MAML3: variants seen among roughly 807,000 people sequenced by gnomAD.
MAML3 encodes mastermind like transcriptional coactivator 3.
MAML3 carries 27 observed loss-of-function variants against 101.9 expected under a neutral mutation model. The observed-to-expected ratio is 0.27, with a 90% CI of 0.20 to 0.37. The LOEUF is 0.37. Ranked by LOEUF, MAML3 falls within the 10% of genes least tolerant of loss-of-function variation. The pLI, the probability that MAML3 is intolerant of heterozygous loss-of-function variation, is 1.00. For synonymous variants in MAML3, 501 were observed against 555.9 expected (o/e 0.90, Z 1.39); for missense variants, 1,316 against 1,444.9 (o/e 0.91, Z 1.45).
chr4:140,129,662 G>A (rs1213842433), intron 1 of MAML3, among the ~76,000 whole-genome samples: 1 of 152,136 alleles, frequency 6.6e-6, no homozygotes, highest in African/African-American at 2.4e-5. Context: ...AGTCTAACTG[G>A]TGATTAAGAA....
rs900117161 is a variant in MAML3 at position 140,118,646 on chromosome 4, A to G, written c.468+34214T>C. ...GACTGCTTGAGCCTAGGAGTTCAAG[A>G]CCAGCCTGGGCAACATGGTGAGATC... is the stretch of plus-strand genomic sequence containing the variant. On this transcript the variant is annotated intron_variant, in intron 1 of 4. Coordinates refer to ENST00000509479, the MANE Select transcript of MAML3 (RefSeq NM_018717.5). 3.3e-5 allele frequency among the ~76,000 whole-genome samples: 5 copies of G among 152,150 alleles called. No homozygotes were observed. In the East Asian group the frequency reaches 9.6e-4, roughly 29 times the overall value.
chr4:140,063,083 T>C lies in MAML3; in HGVS notation c.468+89777A>G, dbSNP rs79432639. Reference sequence around the variant, plus strand: ...CATGATGCAAGTATTATTAGCCCCATTCTAGATGAGAAAACAGAGGCAATT... The same window carrying C: ...CATGATGCAAGTATTATTAGCCCCACTCTAGATGAGAAAACAGAGGCAATT... On this transcript the variant is annotated intron_variant, in intron 1 of 4. Transcript: ENST00000509479. Among the ~76,000 whole-genome samples the C allele has an allele frequency of 9.7e-3, 1,483 of 152,324 alleles. 38 individuals carry two copies. Among genetic ancestry groups the C allele is most frequent in the African/African-American group, 0.034 (1,416 of 41,572 alleles).
At chr4:139,938,596 A>T (rs1451443946) in intron 1 of MAML3, among the ~76,000 whole-genome samples, 2 of 152,214 alleles carry the variant, frequency 1.3e-5, no homozygotes, top group Non-Finnish European at 2.9e-5. Context: ...GATGGTGGTT[A>T]TGAAAGAGGA....
intron 4 of MAML3, among the ~76,000 whole-genome samples, chr4:139,721,355 G>A (rs369083913): frequency 6.6e-6 from 1 of 152,090 alleles, no homozygotes; most frequent in Non-Finnish European, 1.5e-5. Flanking sequence ...ACACAAAAAC[G>A]GATTTTTCTA....
intron 1 of MAML3, among the ~76,000 whole-genome samples, chr4:139,892,946 A>AG (rs1331495185): frequency 6.6e-6 from 1 of 151,618 alleles, no homozygotes; most frequent in African/African-American, 2.4e-5. Context: ...AAAAAAAAAA[A>AG]AAAAGTCCAA....
At chr4:140,080,742 T>C (rs1553973604) in intron 1 of MAML3, among the ~76,000 whole-genome samples, 3 of 152,196 alleles carry the variant, frequency 2.0e-5, no homozygotes, top group South Asian at 2.1e-4. Flanking sequence ...CTGGTTAGTA[T>C]AGAAACTGAT....
intron 1 of MAML3, among the ~76,000 whole-genome samples, chr4:140,036,844 A>G (rs1216156697): frequency 6.6e-6 from 1 of 152,024 alleles, no homozygotes; most frequent in Non-Finnish European, 1.5e-5. Context: ...TTAGAATCCA[A>G]CTCTTGGTGT....
chr4:139,924,559 C>G (rs1733184959), intron 1 of MAML3, among the ~76,000 whole-genome samples: 1 of 152,154 alleles, frequency 6.6e-6, no homozygotes, highest in Admixed American at 6.5e-5. Context: ...CAACATGAAA[C>G]AGAAGTCATA....
chr4:140,140,601 G>A (rs1728963841), intron 1 of MAML3, among the ~76,000 whole-genome samples: 1 of 151,744 alleles, frequency 6.6e-6, no homozygotes, highest in Admixed American at 6.6e-5. Flanking sequence ...CCAGCTAAAT[G>A]GCAAAAAAAA....
chr4:139,814,546 C>G (rs1409265495), intron 2 of MAML3, among the ~76,000 whole-genome samples: 2 of 152,208 alleles, frequency 1.3e-5, no homozygotes, highest in Non-Finnish European at 2.9e-5. Flanking sequence ...CTGCTTCCCA[C>G]AGATCTGTGC....
At chr4:140,039,117 C>A (rs780061828) in intron 1 of MAML3, among the ~76,000 whole-genome samples, 1 of 151,274 alleles carries the variant, frequency 6.6e-6, no homozygotes, top group South Asian at 2.1e-4. Flanking sequence ...AGCAAGACTC[C>A]GTCTAAAAAA....
chr4:139,861,468 A>T (rs1731782399), intron 2 of MAML3, among the ~76,000 whole-genome samples: 1 of 98,390 alleles, frequency 1.0e-5, no homozygotes, highest in Non-Finnish European at 2.0e-5. Context: ...ATGAATGTCT[A>T]ACCAGCCGAT....
intron 1 of MAML3, among the ~76,000 whole-genome samples, chr4:139,951,880 T>C (rs1217927023): frequency 6.6e-6 from 1 of 152,062 alleles, no homozygotes; most frequent in Non-Finnish European, 1.5e-5. Context: ...GAAGGGCTAT[T>C]AGGCTGCGTG....
At chr4:139,770,084 C>T (rs1458232073) in intron 2 of MAML3, among the ~76,000 whole-genome samples, 2 of 152,014 alleles carry the variant, frequency 1.3e-5, no homozygotes, top group Non-Finnish European at 2.9e-5. Flanking sequence ...CATGTCTCAG[C>T]TAGTTTTTTA....
intron 1 of MAML3, among the ~76,000 whole-genome samples, chr4:139,930,149 A>C (rs565154359): frequency 2.4e-4 from 36 of 152,346 alleles, no homozygotes; most frequent in Middle Eastern, 6.8e-3. Flanking sequence ...TTCATTTCAG[A>C]AAAGAAGATA....
intron 2 of MAML3, among the ~76,000 whole-genome samples, chr4:139,731,839 A>G (rs1325260766): frequency 1.3e-5 from 2 of 152,214 alleles, no homozygotes; most frequent in African/African-American, 2.4e-5. Context: ...TCTGAGCTGG[A>G]CAGTGTAGAC....
At chr4:139,745,675 T>C (rs1256823630) in intron 2 of MAML3, among the ~76,000 whole-genome samples, 2 of 152,248 alleles carry the variant, frequency 1.3e-5, no homozygotes, top group East Asian at 1.9e-4. Context: ...AGAGATATAG[T>C]GATCCCTGCT....
At chr4:139,940,524 T>G (rs1035358963) in intron 1 of MAML3, among the ~76,000 whole-genome samples, 1 of 152,162 alleles carries the variant, frequency 6.6e-6, no homozygotes, top group Non-Finnish European at 1.5e-5. Flanking sequence ...TATGAGAAAG[T>G]CAGCTGGCAC....
chr4:139,879,988 C>A (rs1381288247), intron 2 of MAML3, among the ~76,000 whole-genome samples: 4 of 152,076 alleles, frequency 2.6e-5, no homozygotes, highest in African/African-American at 9.7e-5. Context: ...GCCTGGGCAA[C>A]ACAGTGAAAC....
Sources: allele counts gnomAD v4.1 joint callset (sites outside exome capture counted in the v4.1 genomes callset), GRCh38; gene constraint gnomAD v4.1.1; transcripts MANE v1.5; gene names NCBI Gene and HGNC (gene_info 2026-07-23, HGNC 2026-07-21).